LEKR1: variants seen among roughly 807,000 people sequenced by gnomAD.
The protein encoded by LEKR1 is protein LEKR1.
Under a neutral mutation model 72.4 loss-of-function variants are expected in LEKR1, and 59 were observed. That is an observed-to-expected ratio of 0.82 (90% CI 0.66 to 1.01). LEKR1 has a LOEUF of 1.01. Ranked by LOEUF, LEKR1 falls within the 50% of genes least tolerant of loss-of-function variation. LEKR1 has a pLI of 0.00. For synonymous variants in LEKR1, 257 were observed against 263.2 expected, an observed-to-expected ratio of 0.98 and a Z score of 0.23; for missense variants, 728 against 759.2, an observed-to-expected ratio of 0.96 and a Z score of 0.48.
At chr3:156,844,133 T>G (rs1714277409) in intron 2 of LEKR1, among the ~76,000 whole-genome samples, 1 of 152,142 alleles carries the variant, frequency 6.6e-6, no homozygotes, top group Non-Finnish European at 1.5e-5. Context: ...AAATATACTT[T>G]GGAAGTATAT....
Position 156,920,673 on chromosome 3 carries a change from A to G in LEKR1, c.362A>G (p.Tyr121Cys), listed in dbSNP as rs1383144203. ...TTGCAAGATGAGCTAAAAATTAAAT[A>G]TAGACAATCATACATCTTCAGGTAA... is the stretch of plus-strand genomic sequence containing the variant. ...SHLQDELKIK[Y>C]RQSYIFSQRL... is the part of the protein sequence containing the mutation. Residue 121 changes from tyrosine to cysteine, a missense_variant, in exon 4 of 13, where the codon TAT (tyrosine) becomes TGT (cysteine). Tyr to Cys is a radical substitution (Grantham distance 194). Transcript: ENST00000356539. 3.6e-6 allele frequency: 5 copies of G among 1,404,114 alleles called. No homozygotes were observed. The highest frequency in any genetic ancestry group is 2.5e-5 in the East Asian group (1 of 39,722). 87.0% of individuals were successfully genotyped at this position (1,404,114 alleles called of 1,614,324 possible). A position where few individuals can be genotyped will look rare whatever the true frequency, so the allele number is the denominator to read the frequency against.
chr3:156,995,439 T>C (rs73873763), intron 9 of LEKR1, among the ~76,000 whole-genome samples: 1,745 of 152,322 alleles, frequency 0.011, 38 homozygotes, highest in African/African-American at 0.04. Flanking sequence ...ATTATTGCCC[T>C]TGTACTTTCT....
At chr3:156,830,847 AAAGTC>A (rs1392460113) in intron 2 of LEKR1, among the ~76,000 whole-genome samples, 5 of 152,302 alleles carry the variant, frequency 3.3e-5, no homozygotes, top group Admixed American at 1.3e-4. Context: ...TAAAAAAGAA[AAAGTC>A]AAGATAACAG....
At chr3:156,913,751 A>G (rs1723332058) in intron 3 of LEKR1, among the ~76,000 whole-genome samples, 1 of 152,230 alleles carries the variant, frequency 6.6e-6, no homozygotes, top group Non-Finnish European at 1.5e-5. Flanking sequence ...AATGTCTGGT[A>G]AAGAGGAAAT....
At chr3:156,910,667 A>C (rs561518617) in intron 3 of LEKR1, among the ~76,000 whole-genome samples, 1 of 152,300 alleles carries the variant, frequency 6.6e-6, no homozygotes, top group Admixed American at 6.5e-5. Flanking sequence ...AAAGGACATG[A>C]CTTCATTCTT....
chr3:156,876,415 T>A (rs1044453168), intron 3 of LEKR1, among the ~76,000 whole-genome samples: 1 of 152,214 alleles, frequency 6.6e-6, no homozygotes, highest in African/African-American at 2.4e-5. Context: ...TATGGATTGC[T>A]TTTGGCAGTA....
chr3:156,840,218 G>A (rs1713725443), intron 2 of LEKR1, among the ~76,000 whole-genome samples: 1 of 152,110 alleles, frequency 6.6e-6, no homozygotes, highest in Non-Finnish European at 1.5e-5. Context: ...TAAGTTTTTG[G>A]GGAGTCAGAA....
chr3:156,998,160 A>G (rs1731730860), intron 9 of LEKR1, among the ~76,000 whole-genome samples: 1 of 151,428 alleles, frequency 6.6e-6, no homozygotes. Flanking sequence ...CTCGGTGGCC[A>G]AGGTCAGAAC....
chr3:156,860,731 A>G (rs537132515), intron 3 of LEKR1, among the ~76,000 whole-genome samples: 3 of 152,292 alleles, frequency 2.0e-5, no homozygotes, highest in South Asian at 4.1e-4. Flanking sequence ...TTAGGAATAC[A>G]ATCTATAGTA....
chr3:157,007,467 C>T (rs142199909), intron 9 of LEKR1, among the ~76,000 whole-genome samples: 180 of 152,338 alleles, frequency 1.2e-3, no homozygotes, highest in Non-Finnish European at 1.8e-3. Context: ...CCTCCTTTAG[C>T]GTAGGCTTCC....
At chr3:156,840,159 T>C (rs2108531769) in intron 2 of LEKR1, among the ~76,000 whole-genome samples, 1 of 152,368 alleles carries the variant, frequency 6.6e-6, no homozygotes, top group South Asian at 2.1e-4. Flanking sequence ...ATTAATTGAA[T>C]GTTTATATTA....
chr3:156,830,050 A>C (rs1712164848), intron 2 of LEKR1, among the ~76,000 whole-genome samples: 1 of 152,222 alleles, frequency 6.6e-6, no homozygotes, highest in Admixed American at 6.5e-5. Flanking sequence ...GACACTTAAG[A>C]AACTACGTGG....
intron 3 of LEKR1, among the ~76,000 whole-genome samples, chr3:156,875,980 G>A (rs903074488): frequency 5.7e-5 from 7 of 122,322 alleles, no homozygotes; most frequent in South Asian, 2.9e-4. Flanking sequence ...GGGCAACAGC[G>A]AGACTCCATC....
chr3:157,035,016 GACC>G (rs547201754), intron 12 of LEKR1, among the ~76,000 whole-genome samples: 190 of 152,232 alleles, frequency 1.2e-3, no homozygotes, highest in African/African-American at 4.2e-3. Flanking sequence ...ATTGAAGCAA[GACC>G]CTCCACCAGC....
intron 2 of LEKR1, among the ~76,000 whole-genome samples, chr3:156,834,320 A>T (rs182098321): frequency 1.3e-5 from 2 of 152,304 alleles, no homozygotes; most frequent in East Asian, 3.9e-4. Flanking sequence ...TACATTGCTC[A>T]CACCCACAGA....
intron 12 of LEKR1, among the ~76,000 whole-genome samples, chr3:157,033,667 G>A (rs1734775122): frequency 6.6e-6 from 1 of 152,204 alleles, no homozygotes; most frequent in South Asian, 2.1e-4. Flanking sequence ...CGAAGCTGTG[G>A]TAAGTTATCC....
Position 156,852,813 on chromosome 3 carries a change from C to G in LEKR1, c.94C>G (p.Leu32Val). ...KVCKYCGVSYLILHEFKAMEE... is the reference protein window; with the variant it reads ...KVCKYCGVSYVILHEFKAMEE... ...TTGTAAGTACTGTGGAGTCAGCTAT[C>G]TAATTCTTCATGAATTTAAGGCTAT... is the stretch of plus-strand genomic sequence containing the variant. Residue 32 changes from leucine to valine, a missense_variant, in exon 3 of 13, where the codon CTA becomes GTA. Transcript: ENST00000356539. 1 of 1,535,080 alleles carries G rather than the reference C, an allele frequency of 6.5e-7. No individual in the cohort carries two copies. The highest frequency in any genetic ancestry group is 8.7e-7 in the Non-Finnish European group (1 of 1,145,648).
At chr3:156,935,194 G>T (rs1725584155) in intron 5 of LEKR1, among the ~76,000 whole-genome samples, 1 of 152,130 alleles carries the variant, frequency 6.6e-6, no homozygotes, top group Non-Finnish European at 1.5e-5. Context: ...TGCCTCAGAA[G>T]CTCAAGAACC....
chr3:156,925,373 T>G (rs1409061090), intron 4 of LEKR1: 7 of 150,950 alleles, frequency 4.6e-5, no homozygotes, highest in Non-Finnish European at 1.0e-4. Context: ...TAGAGGAGTT[T>G]GCTAACACTC....
Sources: allele counts gnomAD v4.1 joint callset (sites outside exome capture counted in the v4.1 genomes callset), GRCh38; gene constraint gnomAD v4.1.1; transcripts MANE v1.5; gene names NCBI Gene and HGNC (gene_info 2026-07-23, HGNC 2026-07-21).